The following MCC variants were observed in gnomAD, a reference collection of about 807,000 sequenced individuals.
MCC encodes the protein MCC regulator of Wnt signaling pathway.
Under a neutral mutation model 116.2 loss-of-function variants are expected in MCC, and 90 were observed. That is an observed-to-expected ratio of 0.77 (90% CI 0.65 to 0.92). The LOEUF is 0.92. Ranked by LOEUF, MCC falls within the 40% of genes least tolerant of loss-of-function variation. The pLI is 0.00. For missense variants in MCC, 1,516 were observed against 1,312.2 expected (o/e 1.16, Z -2.40); for synonymous variants, 578 against 510.5 (o/e 1.13, Z -1.78).
At chr5:113,349,775 T>C (rs2150381620) in intron 2 of MCC, among the ~76,000 whole-genome samples, 1 of 152,206 alleles carries the variant, frequency 6.6e-6, no homozygotes, top group Admixed American at 6.5e-5. Context: ...TAGGATATTA[T>C]CTTATATTTG....
chr5:113,147,555 G>A (rs894591331), intron 4 of MCC, among the ~76,000 whole-genome samples: 1 of 152,146 alleles, frequency 6.6e-6, no homozygotes, highest in African/African-American at 2.4e-5. Context: ...CCCGTGAAGG[G>A]GGTTAGTACC....
At chr5:113,455,378 C>T (rs1465472542) in intron 1 of MCC, among the ~76,000 whole-genome samples, 2 of 152,128 alleles carry the variant, frequency 1.3e-5, no homozygotes, top group Admixed American at 6.5e-5. Flanking sequence ...TGCACTCCCC[C>T]CCACCATCAC....
intron 1 of MCC, among the ~76,000 whole-genome samples, chr5:113,400,486 T>C (rs531861672): frequency 6.6e-6 from 1 of 152,326 alleles, no homozygotes; most frequent in East Asian, 1.9e-4. Flanking sequence ...AATACTTTAA[T>C]GTATTTCCCC....
rs1191615119 is a variant in MCC, at chr5:113,295,561, C to T, written c.627+44958G>A. 4.6e-5 allele frequency among the ~76,000 whole-genome samples: 7 copies of T among 152,198 alleles called. No homozygotes were observed. The East Asian group carries it at 9.6e-4, about 21-fold the overall frequency. ...CAGATAGGCTCCCCAACCCCCAGAC[C>T]TTCCTTAATTGAGCGGAGGTAGAGT... On this transcript the variant is annotated intron_variant, in intron 3 of 18. Coordinates refer to ENST00000408903, the MANE Select transcript of MCC (RefSeq NM_001085377.2).
intron 5 of MCC, among the ~76,000 whole-genome samples, chr5:113,125,199 G>T (rs1581112924): frequency 6.6e-6 from 1 of 152,146 alleles, no homozygotes; most frequent in African/African-American, 2.4e-5. Flanking sequence ...TTAGATGGAA[G>T]AAATAAAAAT....
intron 1 of MCC, among the ~76,000 whole-genome samples, chr5:113,466,302 T>C (rs1248400993): frequency 5.9e-5 from 9 of 151,596 alleles, no homozygotes; most frequent in Non-Finnish European, 1.0e-4. Context: ...CATTTAGCAT[T>C]AGGTATATCT....
intron 3 of MCC, among the ~76,000 whole-genome samples, chr5:113,197,191 G>C (rs149003438): frequency 2.6e-5 from 4 of 152,288 alleles, no homozygotes; most frequent in Non-Finnish European, 5.9e-5. Flanking sequence ...TCGATGGGGA[G>C]ATGTTGGTCA....
rs532585142 is a variant in MCC at position 113,053,528 on chromosome 5, T to C, written c.2448+197A>G. On this transcript the variant is annotated intron_variant, in intron 15 of 18. Coordinates refer to ENST00000408903, the MANE Select transcript of MCC (RefSeq NM_001085377.2). ...GACACCCTGAGAAATCCCTTAGAAA[T>C]TCAACTCCCCTGTCCAGAAACACGC... is the stretch of plus-strand genomic sequence containing the variant. Among the ~76,000 whole-genome samples the C allele has an allele frequency of 1.2e-3, 182 of 152,120 alleles. 1 individual carries two copies. The highest frequency in any genetic ancestry group is 4.3e-3 in the African/African-American group (177 of 41,488).
chr5:113,230,466 T>C (rs1486849025), intron 3 of MCC, among the ~76,000 whole-genome samples: 1 of 152,208 alleles, frequency 6.6e-6, no homozygotes, highest in Non-Finnish European at 1.5e-5. Context: ...ATATGCAACA[T>C]TGCCCATCTT....
intron 4 of MCC, among the ~76,000 whole-genome samples, chr5:113,147,009 A>G (rs192152913): frequency 1.5e-4 from 23 of 152,320 alleles, no homozygotes; most frequent in African/African-American, 5.3e-4. Context: ...TTTCAGTTTG[A>G]AAGGAAAAGA....
chr5:113,123,242 G>A (rs538116031), intron 5 of MCC, among the ~76,000 whole-genome samples: 4 of 152,372 alleles, frequency 2.6e-5, no homozygotes, highest in South Asian at 4.1e-4. Flanking sequence ...GGGGCCCACA[G>A]GGGCTTCCTT....
intron 1 of MCC, among the ~76,000 whole-genome samples, chr5:113,467,831 G>T (rs1580414694): frequency 6.6e-6 from 1 of 152,150 alleles, no homozygotes; most frequent in Non-Finnish European, 1.5e-5. Flanking sequence ...GAATGTTCTT[G>T]CATTTCTTTG....
intron 3 of MCC, among the ~76,000 whole-genome samples, chr5:113,298,426 C>G (rs757299232): frequency 1.1e-4 from 17 of 152,116 alleles, no homozygotes; most frequent in Non-Finnish European, 1.3e-4. Context: ...AGAAAGAAGG[C>G]AGATAAATTA....
intron 3 of MCC, among the ~76,000 whole-genome samples, chr5:113,233,366 T>G (rs1172238336): frequency 6.6e-6 from 1 of 152,228 alleles, no homozygotes; most frequent in African/African-American, 2.4e-5. Context: ...CTCAAATGTC[T>G]ACCCCAAATG....
intron 5 of MCC, among the ~76,000 whole-genome samples, chr5:113,140,753 C>G (rs1400867126): frequency 6.6e-6 from 1 of 152,106 alleles, no homozygotes; most frequent in Non-Finnish European, 1.5e-5. Context: ...TAAGTGACAC[C>G]AAAGTCTACA....
Position 113,027,349 on chromosome 5 carries a change from G to C in MCC, c.3013C>G (p.Leu1005Val), listed in dbSNP as rs1750621362. 6.2e-7 allele frequency: 1 copy of C among 1,614,194 alleles called. No homozygotes were observed. The highest frequency in any genetic ancestry group is 1.7e-5 in the Admixed American group (1 of 60,030). The change falls in exon 19 of 19, where the codon CTA (leucine) becomes GTA (valine). Residue 1005 changes from leucine (L) to valine (V), a missense_variant. Leu to Val is a conservative substitution (Grantham distance 32). Coordinates refer to ENST00000408903, the MANE Select transcript of MCC (RefSeq NM_001085377.2). ...VRMLKQRIAL[L>V]EEENSRPHTN... ...TGTGGCCTGGAGTTCTCCTCCTCTA[G>C]CAGAGCTATTCTTTGCTTGAGCATC...
chr5:113,027,741 A>C (rs185382628), intron 18 of MCC, among the ~76,000 whole-genome samples: 1 of 152,238 alleles, frequency 6.6e-6, no homozygotes, highest in African/African-American at 2.4e-5. Flanking sequence ...ACATATTAGA[A>C]GGGGTTCTAA....
intron 15 of MCC, 81 bp downstream of exon 15, chr5:113,053,644 T>A: frequency 3.0e-6 from 3 of 992,344 alleles, no homozygotes; most frequent in Non-Finnish European, 4.6e-6. Flanking sequence ...GATTCCTCCT[T>A]ATCTGCTGGA....
intron 3 of MCC, among the ~76,000 whole-genome samples, chr5:113,292,050 C>T (rs10478116): frequency 0.034 from 5,140 of 152,052 alleles, 295 homozygotes; most frequent in African/African-American, 0.11. Context: ...GCCAACATAG[C>T]GAAACCTCTT....
Sources: allele counts gnomAD v4.1 joint callset (sites outside exome capture counted in the v4.1 genomes callset), GRCh38; gene constraint gnomAD v4.1.1; transcripts MANE v1.5; gene names NCBI Gene and HGNC (gene_info 2026-07-23, HGNC 2026-07-21).